The following RIN3 variants were observed in gnomAD, a reference collection of about 807,000 sequenced individuals.
RIN3 encodes RAB5 interacting protein 3.
Under a neutral mutation model 76.3 loss-of-function variants are expected in RIN3, and 54 were observed. That is an observed-to-expected ratio of 0.71 (90% CI 0.57 to 0.89). RIN3 has a LOEUF of 0.89. Ranked by LOEUF, RIN3 falls within the 40% of genes least tolerant of loss-of-function variation. The pLI is 0.00. For missense variants in RIN3, 1,256 were observed against 1,322.1 expected (o/e 0.95, Z 0.78); for synonymous variants, 576 against 564.0 (o/e 1.02, Z -0.30).
chr14:92,585,031 G>C (rs577937575), intron 3 of RIN3, among the ~76,000 whole-genome samples: 31 of 152,288 alleles, frequency 2.0e-4, no homozygotes, highest in African/African-American at 7.5e-4. Context: ...TATAGAGACA[G>C]AGTCTTGTTC....
intron 2 of RIN3, among the ~76,000 whole-genome samples, chr14:92,569,584 T>C (rs1898008750): frequency 6.9e-6 from 1 of 144,592 alleles, no homozygotes; most frequent in Admixed American, 6.9e-5. Context: ...AGCTCCTGCC[T>C]TTTTTTTTTT....
chr14:92,684,942 G>C, intron 8 of RIN3, 45 bp from the exon 9 acceptor site: 1 of 1,579,864 alleles, frequency 6.3e-7, no homozygotes. Context: ...GCCTCTGGTG[G>C]GCGGAGGCGG....
chr14:92,628,359 G>A (rs1335024683), intron 4 of RIN3, among the ~76,000 whole-genome samples: 2 of 152,178 alleles, frequency 1.3e-5, no homozygotes, highest in East Asian at 1.9e-4. Flanking sequence ...ATTCTAAGGA[G>A]GGCTTAGTAC....
intron 3 of RIN3, among the ~76,000 whole-genome samples, chr14:92,579,323 G>C (rs372753533): frequency 6.6e-6 from 1 of 152,254 alleles, no homozygotes; most frequent in African/African-American, 2.4e-5. Context: ...GGGAGAGGCT[G>C]TTACCATCTT....
intron 1 of RIN3, among the ~76,000 whole-genome samples, chr14:92,524,252 T>G (rs1420546654): frequency 6.6e-6 from 1 of 152,126 alleles, no homozygotes; most frequent in Non-Finnish European, 1.5e-5. Context: ...ATGCCTGTGT[T>G]CTTGCCGGAT....
In RIN3 at chr14:92,688,598, AC is replaced by A. The variant is rs1397237495; in HGVS notation, c.*350del. On this transcript the variant is annotated 3_prime_UTR_variant, in exon 10 of 10. Transcript: ENST00000216487. ...CATTCCCCATGAGTCCCCCACACCC[AC>A]CCCATCCTCGGTCTTTGCAAAGAAG... 9.7e-6 allele frequency: 3 copies of A among 309,574 alleles called. No homozygotes were observed. The highest frequency in any genetic ancestry group is 1.8e-5 in the Non-Finnish European group (3 of 167,222). The allele number at this position is 309,574 out of a possible 1,614,324, so 19.2% of individuals were successfully genotyped here.
In RIN3 at chr14:92,561,137, A is replaced by T. The variant is rs12879669; in HGVS notation, c.249+5182A>T. On this transcript the variant is annotated intron_variant, in intron 2 of 9. Coordinates refer to ENST00000216487, the MANE Select transcript of RIN3 (RefSeq NM_024832.5). Reference sequence around the variant, plus strand: ...TATATATTTATATATATTTATATTTATATATATTTTTATATATATATTTAT... The same window carrying T: ...TATATATTTATATATATTTATATTTTTATATATTTTTATATATATATTTAT... Among the ~76,000 whole-genome samples the T allele has an allele frequency of 5.6e-4, 42 of 75,424 alleles. No individual in the cohort carries two copies. The East Asian group carries it at 0.011, about 20-fold the overall frequency. The allele number at this position is 75,424 out of a possible 152,430, so 49.5% of individuals were successfully genotyped here.
intron 7 of RIN3, among the ~76,000 whole-genome samples, chr14:92,659,698 G>A (rs530243491): frequency 1.8e-4 from 28 of 152,358 alleles, no homozygotes; most frequent in Admixed American, 7.2e-4. Flanking sequence ...GGCAAGCAAG[G>A]AAGCCAGCCC....
At chr14:92,569,439 G>C (rs1432921827) in intron 2 of RIN3, among the ~76,000 whole-genome samples, 1 of 152,168 alleles carries the variant, frequency 6.6e-6, no homozygotes. Flanking sequence ...TTATGGACAA[G>C]AACACGGAGG....
chr14:92,576,531 C>T (rs76990347), intron 2 of RIN3: 11 of 653,814 alleles, frequency 1.7e-5, no homozygotes, highest in South Asian at 3.2e-5. Flanking sequence ...AGGTCCCAAG[C>T]GTTGACACCA....
chr14:92,641,454 C>A, intron 5 of RIN3, 125 bp downstream of exon 5: 1 of 680,202 alleles, frequency 1.5e-6, no homozygotes, highest in Admixed American at 2.6e-5. Flanking sequence ...ACCACCCACA[C>A]CCCTGCCTCA....
In RIN3 at chr14:92,688,040, G is replaced by A; in HGVS notation, c.2746G>A (p.Glu916Lys). Reference sequence around the variant, plus strand: ...GCAGTGCGCGGAGAAGTTCGCGGTGGAGCGGCCGCAGGCGCACCGGCTGTT... The same window carrying A: ...GCAGTGCGCGGAGAAGTTCGCGGTGAAGCGGCCGCAGGCGCACCGGCTGTT... ...CAQCAEKFAV[E>K]RPQAHRLFVL... The change falls in exon 10 of 10, where the codon GAG becomes AAG. Residue 916 changes from glutamate to lysine, a missense_variant. Transcript: ENST00000216487. 1 of 1,597,386 alleles carries A rather than the reference G, an allele frequency of 6.3e-7. No homozygotes were observed. The highest frequency in any genetic ancestry group is 8.5e-7 in the Non-Finnish European group (1 of 1,173,616).
intron 6 of RIN3, among the ~76,000 whole-genome samples, chr14:92,655,585 C>T (rs189664929): frequency 1.3e-5 from 2 of 152,314 alleles, no homozygotes; most frequent in East Asian, 3.9e-4. Flanking sequence ...ATGTGAACAA[C>T]GTCACTCTGG....
chr14:92,688,221 G>GC lies in RIN3; in HGVS notation c.2929dup (p.Leu977ProfsTer87). The GC allele has an allele frequency of 2.5e-6, 4 of 1,599,662 alleles. No individual in the cohort carries two copies. Among genetic ancestry groups the GC allele is most frequent in the South Asian group, 1.1e-5 (1 of 90,362 alleles). Reference sequence around the variant, plus strand: ...GGCGGCGGCGGCGGGAGCCCGCCCTGCCTGGTGGTGCGGGAGCCCAACTTC... The same window carrying GC: ...GGCGGCGGCGGCGGGAGCCCGCCCTGCCCTGGTGGTGCGGGAGCCCAACTTC... On this transcript the variant is annotated frameshift_variant, in exon 10 of 10. Transcript: ENST00000216487. LOFTEE classifies it high-confidence loss of function.
intron 3 of RIN3, among the ~76,000 whole-genome samples, chr14:92,589,884 A>G (rs1489630388): frequency 6.6e-6 from 1 of 152,256 alleles, no homozygotes; most frequent in Non-Finnish European, 1.5e-5. Flanking sequence ...TGAAAAGTCA[A>G]CAACTCTTCT....
At chr14:92,609,637 TGTG>T (rs923552381) in intron 3 of RIN3, among the ~76,000 whole-genome samples, 5 of 152,152 alleles carry the variant, frequency 3.3e-5, no homozygotes, top group Admixed American at 6.5e-5. Context: ...TCATGGGTGA[TGTG>T]GTCTCCTGGG....
chr14:92,616,268 A>T (rs768680456), intron 4 of RIN3, among the ~76,000 whole-genome samples: 1 of 152,238 alleles, frequency 6.6e-6, no homozygotes, highest in Non-Finnish European at 1.5e-5. Flanking sequence ...ATTGAAAATG[A>T]AAGTACACTC....
At chr14:92,625,760 G>A (rs1418366967) in intron 4 of RIN3, among the ~76,000 whole-genome samples, 1 of 152,114 alleles carries the variant, frequency 6.6e-6, no homozygotes, top group Non-Finnish European at 1.5e-5. Flanking sequence ...ATAATTCCTG[G>A]TCCCCTGGAG....
At chr14:92,582,442 CTT>C (rs35072092) in intron 3 of RIN3, among the ~76,000 whole-genome samples, 2 of 117,548 alleles carry the variant, frequency 1.7e-5, no homozygotes, top group Non-Finnish European at 1.7e-5. Flanking sequence ...TCCTTTTTTA[CTT>C]TTTTTTTTTT....
Sources: gnomAD v4.1 joint callset for allele counts (sites outside exome capture counted in the v4.1 genomes callset) on GRCh38, gnomAD v4.1.1 for gene constraint, MANE v1.5 for transcripts, NCBI Gene and HGNC (gene_info 2026-07-23, HGNC 2026-07-21) for gene names.